The following DIP2C variants were observed in gnomAD, a reference collection of about 807,000 sequenced individuals.
DIP2C encodes disco-interacting protein 2 homolog C.
A neutral mutation model predicts 192.4 loss-of-function variants in DIP2C; 33 were observed. The observed-to-expected ratio is 0.17, with a 90% CI of 0.13 to 0.23. The LOEUF is 0.23. Among genes scored for constraint, DIP2C ranks in the 10% least tolerant of loss-of-function variants. The probability of loss-of-function intolerance (pLI) is 1.00; values close to 1 mark genes in which losing one functional copy is unlikely to be tolerated. For missense variants in DIP2C, 1,537 were observed against 2,110.1 expected, an observed-to-expected ratio of 0.73 and a Z score of 5.32; for synonymous variants, 979 against 864.1, an observed-to-expected ratio of 1.13 and a Z score of -2.33.
chr10:511,522 G>GC (rs1332595164), intron 1 of DIP2C, among the ~76,000 whole-genome samples: 3 of 152,168 alleles, frequency 2.0e-5, no homozygotes, highest in African/African-American at 7.2e-5. Flanking sequence ...AAAGAACATA[G>GC]CATTTACTTC....
chr10:361,893 A>T (rs1350290152), intron 22 of DIP2C, among the ~76,000 whole-genome samples: 1 of 152,102 alleles, frequency 6.6e-6, no homozygotes, highest in East Asian at 1.9e-4. Flanking sequence ...TGTTCCCTGC[A>T]ACTCCACATT....
At chr10:545,238 C>T (rs1415422315) in intron 1 of DIP2C, among the ~76,000 whole-genome samples, 2 of 138,246 alleles carry the variant, frequency 1.4e-5, no homozygotes, top group East Asian at 2.1e-4. Context: ...ATGACCTCAG[C>T]TCACTGCAAC....
chr10:304,974 TAC>T (rs562874590), intron 32 of DIP2C, among the ~76,000 whole-genome samples: 2 of 152,136 alleles, frequency 1.3e-5, no homozygotes, highest in Non-Finnish European at 2.9e-5. Context: ...CATAAATGTG[TAC>T]ACATTTGAAA....
At chr10:479,486 A>G (rs1374219762) in intron 2 of DIP2C, among the ~76,000 whole-genome samples, 1 of 152,042 alleles carries the variant, frequency 6.6e-6, no homozygotes, top group Non-Finnish European at 1.5e-5. Context: ...GGCACCCATC[A>G]CGATGCCTGG....
intron 1 of DIP2C, among the ~76,000 whole-genome samples, chr10:521,265 A>G (rs1846689839): frequency 6.6e-6 from 1 of 152,200 alleles, no homozygotes; most frequent in Non-Finnish European, 1.5e-5. Flanking sequence ...ACAAAGGAAC[A>G]GCACCCAACA....
chr10:400,405 A>C (rs941510298), intron 9 of DIP2C, among the ~76,000 whole-genome samples: 1 of 152,228 alleles, frequency 6.6e-6, no homozygotes, highest in African/African-American at 2.4e-5. Context: ...GTGTTAATAG[A>C]CAACCCTATT....
At chr10:428,688 T>C (rs1224936062) in intron 4 of DIP2C, among the ~76,000 whole-genome samples, 1 of 152,188 alleles carries the variant, frequency 6.6e-6, no homozygotes, top group Non-Finnish European at 1.5e-5. Context: ...TTGACATCAA[T>C]CTGAGTAAAT....
intron 6 of DIP2C, among the ~76,000 whole-genome samples, chr10:416,402 G>GC (rs1211922129): frequency 2.6e-5 from 4 of 152,030 alleles, no homozygotes; most frequent in Admixed American, 1.3e-4. Flanking sequence ...GCATCCCACA[G>GC]CCCCGGGCTC....
chr10:480,849 G>C (rs368719850), intron 2 of DIP2C, among the ~76,000 whole-genome samples: 1 of 152,244 alleles, frequency 6.6e-6, no homozygotes, highest in African/African-American at 2.4e-5. Flanking sequence ...GAACACAGGT[G>C]ATTCACCTGT....
intron 10 of DIP2C, among the ~76,000 whole-genome samples, chr10:396,155 AC>A (rs925779021): frequency 3.3e-5 from 5 of 152,224 alleles, no homozygotes; most frequent in Non-Finnish European, 7.3e-5. Context: ...TTCAAAACGT[AC>A]GGTTTATGTC....
chr10:335,459 A>G (rs1957715000), intron 29 of DIP2C, among the ~76,000 whole-genome samples: 1 of 152,162 alleles, frequency 6.6e-6, no homozygotes, highest in African/African-American at 2.4e-5. Flanking sequence ...GCCATCCCCA[A>G]TTACCCAGTT....
chr10:304,013 C>T (rs1455917749), intron 32 of DIP2C, among the ~76,000 whole-genome samples: 4 of 152,094 alleles, frequency 2.6e-5, no homozygotes, highest in African/African-American at 9.7e-5. Flanking sequence ...ATGCTTTCTG[C>T]TGGATTCCTC....
chr10:591,433 T>C (rs1851398114), intron 1 of DIP2C, among the ~76,000 whole-genome samples: 1 of 152,138 alleles, frequency 6.6e-6, no homozygotes. Flanking sequence ...CCATTACTGG[T>C]GTAATTTCTA....
intron 2 of DIP2C, among the ~76,000 whole-genome samples, chr10:483,032 G>T (rs1588258628): frequency 6.6e-6 from 1 of 152,268 alleles, no homozygotes; most frequent in African/African-American, 2.4e-5. Flanking sequence ...ATTTAGGCAG[G>T]TGCTCAGCAC....
At position 545,229 on chromosome 10, in the gene DIP2C, T is replaced by TGACCTCAGCTCACTGC. The variant is rs1269227211; in HGVS notation, c.86-58715_86-58700dup. The stretch of plus-strand genomic sequence containing the variant: ...CTGTCCAGGCTGGAGTGTAGTGGCA[T>TGACCTCAGCTCACTGC]GACCTCAGCTCACTGCAACCTCCGC... On this transcript the variant is annotated intron_variant, in intron 1 of 36. Transcript: ENST00000280886. Among the ~76,000 whole-genome samples, 4 of 139,174 alleles carry TGACCTCAGCTCACTGC rather than the reference T, an allele frequency of 2.9e-5. No homozygotes were observed. The East Asian group carries it at 6.5e-4, about 22-fold the overall frequency. 91.3% of individuals were successfully genotyped at this position (139,174 alleles called of 152,430 possible). A position where few individuals can be genotyped will look rare whatever the true frequency, so the allele number is the denominator to read the frequency against.
chr10:603,256 G>A (rs905021964), intron 1 of DIP2C, among the ~76,000 whole-genome samples: 6 of 130,950 alleles, frequency 4.6e-5, no homozygotes, highest in South Asian at 2.4e-4. Flanking sequence ...CCGAGGCTGC[G>A]CCACTGTACT....
chr10:470,588 CATGCTT>C (rs1005676765), intron 3 of DIP2C, among the ~76,000 whole-genome samples: 6 of 152,234 alleles, frequency 3.9e-5, no homozygotes, highest in African/African-American at 1.4e-4. Flanking sequence ...CACAACCCGC[CATGCTT>C]ATCTCGTGGA....
chr10:593,281 C>T (rs1851506953), intron 1 of DIP2C, among the ~76,000 whole-genome samples: 2 of 152,130 alleles, frequency 1.3e-5, no homozygotes, highest in South Asian at 4.1e-4. Context: ...CTAAATCTGA[C>T]TTCAGAGCCT....
chr10:294,835 A>T (rs1035458996), intron 32 of DIP2C, among the ~76,000 whole-genome samples: 6 of 152,194 alleles, frequency 3.9e-5, no homozygotes, highest in African/African-American at 1.4e-4. Context: ...TAAATAACTT[A>T]AAAGCTTCTG....
Sources: allele counts gnomAD v4.1 joint callset (sites outside exome capture counted in the v4.1 genomes callset), GRCh38; gene constraint gnomAD v4.1.1; transcripts MANE v1.5; gene names NCBI Gene and HGNC (gene_info 2026-07-23, HGNC 2026-07-21).